The following WASHC3 variants were observed in gnomAD, a reference collection of about 807,000 sequenced individuals.
WASHC3 encodes WASH complex subunit CCDC53.
WASHC3 carries 24 observed loss-of-function variants against 26.1 expected under a neutral mutation model. That is an observed-to-expected ratio of 0.92 (90% CI 0.66 to 1.29). The LOEUF is 1.29. Ranked by LOEUF, WASHC3 falls within the 50% of genes most tolerant of loss-of-function variation. The probability of loss-of-function intolerance (pLI) is 0.00; values close to 1 mark genes in which losing one functional copy is unlikely to be tolerated. For synonymous variants in WASHC3, 77 were observed against 75.7 expected (o/e 1.02, Z -0.09); for missense variants, 214 against 229.6 (o/e 0.93, Z 0.44).
intron 6 of WASHC3, among the ~76,000 whole-genome samples, 154 bp from the exon 7 acceptor site, chr12:102,013,346 T>A (rs962055086): frequency 6.6e-6 from 1 of 152,314 alleles, no homozygotes; most frequent in South Asian, 2.1e-4. Flanking sequence ...CGTGCTTCTC[T>A]CGGGCTTCTT....
chr12:102,061,816 G>A (rs1035297085), intron 1 of WASHC3, 96 bp downstream of exon 1: 3 of 1,070,074 alleles, frequency 2.8e-6, no homozygotes, highest in African/African-American at 1.6e-5. Flanking sequence ...GGCCGTGACA[G>A]GGTGGGGACT....
In WASHC3 at chr12:102,046,129, A is replaced by G; in HGVS notation, c.151-10T>C. 6.5e-7 allele frequency: 1 copy of G among 1,531,140 alleles called. No homozygotes were observed. The highest frequency in any genetic ancestry group is 2.3e-5 in the East Asian group (1 of 43,880). 94.8% of individuals were successfully genotyped at this position (1,531,140 alleles called of 1,614,324 possible). A position where few individuals can be genotyped will look rare whatever the true frequency, so the allele number is the denominator to read the frequency against. On this transcript the variant is annotated splice_polypyrimidine_tract_variant and intron_variant, in intron 2 of 6. Coordinates refer to ENST00000240079, the MANE Select transcript of WASHC3 (RefSeq NM_016053.4). ...AAAGGTCTGCCAGTTTCTGTAAAAG[A>G]AAAATTAGAGACATAAAGACTTTAA...
chr12:102,040,579 T>C (rs1462945441), intron 4 of WASHC3: 1 of 152,074 alleles, frequency 6.6e-6, no homozygotes, highest in African/African-American at 2.4e-5. Flanking sequence ...AATGGTAACA[T>C]TGTCTACAGA....
intron 2 of WASHC3, among the ~76,000 whole-genome samples, chr12:102,049,420 C>T (rs891751445): frequency 2.6e-5 from 4 of 152,238 alleles, no homozygotes; most frequent in African/African-American, 9.6e-5. Context: ...TAACCATCGT[C>T]TTCATGAAGA....
chr12:102,016,920 A>C (rs1391925453), intron 6 of WASHC3, among the ~76,000 whole-genome samples: 1 of 152,204 alleles, frequency 6.6e-6, no homozygotes, highest in Non-Finnish European at 1.5e-5. Flanking sequence ...TATTGAAAAA[A>C]TTTTTAAAAA....
chr12:102,015,823 T>C (rs1317664162), intron 6 of WASHC3, among the ~76,000 whole-genome samples: 5 of 152,204 alleles, frequency 3.3e-5, no homozygotes, highest in African/African-American at 1.2e-4. Flanking sequence ...CATAGGACGG[T>C]GGTCCCATTA....
In WASHC3 at chr12:102,039,988, G is replaced by A; in HGVS notation, c.325-10C>T. 7.6e-7 allele frequency: 1 copy of A among 1,311,500 alleles called. No homozygotes were observed. The highest frequency in any genetic ancestry group is 1.1e-6 in the Non-Finnish European group (1 of 921,880). 81.2% of individuals were successfully genotyped at this position (1,311,500 alleles called of 1,614,324 possible). Reference sequence around the variant, plus strand: ...CTTGTGTACTGTTCTGCTGTAGAGAGTATTTGGTGTAAATCTTTAGACAAT... The same window carrying A: ...CTTGTGTACTGTTCTGCTGTAGAGAATATTTGGTGTAAATCTTTAGACAAT... On this transcript the variant is annotated splice_polypyrimidine_tract_variant and intron_variant, in intron 4 of 6. Transcript: ENST00000240079.
At chr12:102,056,025 G>A (rs147648033) in intron 2 of WASHC3, among the ~76,000 whole-genome samples, 439 of 152,280 alleles carry the variant, frequency 2.9e-3, no homozygotes, top group African/African-American at 0.01. Context: ...TTTAGGAGAC[G>A]TTAATTCTAT....
chr12:102,024,015 T>C (rs1877067018), intron 6 of WASHC3, among the ~76,000 whole-genome samples: 1 of 151,648 alleles, frequency 6.6e-6, no homozygotes, highest in Non-Finnish European at 1.5e-5. Context: ...TAAAGAATAA[T>C]AGGTTAGCCA....
intron 5 of WASHC3, among the ~76,000 whole-genome samples, chr12:102,037,781 G>GTT (rs74957168): frequency 1.3e-5 from 2 of 148,560 alleles, no homozygotes; most frequent in East Asian, 2.0e-4. Flanking sequence ...ATTTTATTCA[G>GTT]TTTTTTTTTT....
chr12:102,033,390 T>C (rs1243946606), intron 5 of WASHC3, among the ~76,000 whole-genome samples: 3 of 152,086 alleles, frequency 2.0e-5, no homozygotes, highest in Non-Finnish European at 4.4e-5. Flanking sequence ...TTCTAAACAA[T>C]AATTAAAATA....
intron 2 of WASHC3, among the ~76,000 whole-genome samples, chr12:102,060,001 G>A (rs1878738420): frequency 6.6e-6 from 1 of 152,200 alleles, no homozygotes; most frequent in South Asian, 2.1e-4. Flanking sequence ...GAAGGCAGAA[G>A]AAATGTTGAT....
intron 4 of WASHC3, among the ~76,000 whole-genome samples, chr12:102,041,133 A>G (rs775427739): frequency 9.9e-5 from 15 of 151,844 alleles, no homozygotes; most frequent in Non-Finnish European, 1.6e-4. Flanking sequence ...ACACACACAC[A>G]CACACATATT....
intron 5 of WASHC3, among the ~76,000 whole-genome samples, chr12:102,028,050 A>C (rs1296277183): frequency 6.6e-6 from 1 of 152,164 alleles, no homozygotes; most frequent in Non-Finnish European, 1.5e-5. Context: ...AAGAAGGTAG[A>C]AGATAAGTTT....
At chr12:102,057,785 C>T (rs1878649030) in intron 2 of WASHC3, among the ~76,000 whole-genome samples, 2 of 151,912 alleles carry the variant, frequency 1.3e-5, no homozygotes, top group African/African-American at 4.8e-5. Flanking sequence ...GGAAAGATAA[C>T]GTGTGTTCAT....
intron 5 of WASHC3, among the ~76,000 whole-genome samples, chr12:102,035,251 A>T (rs1877606793): frequency 6.6e-6 from 1 of 152,154 alleles, no homozygotes; most frequent in African/African-American, 2.4e-5. Context: ...TTCCTCAATA[A>T]AGGGAGCAAT....
At chr12:102,017,790 T>G (rs1482979724) in intron 6 of WASHC3, 1 of 438,614 alleles carries the variant, frequency 2.3e-6, no homozygotes, top group Non-Finnish European at 4.5e-6. Context: ...TTCATTTTTT[T>G]CTTTTTTTAA....
intron 2 of WASHC3, among the ~76,000 whole-genome samples, chr12:102,049,467 CAG>C (rs1313172897): frequency 6.6e-6 from 1 of 151,964 alleles, no homozygotes; most frequent in East Asian, 1.9e-4. Flanking sequence ...TTTGGGATAA[CAG>C]GGGAATTTAC....
At chr12:102,044,551 T>C (rs1878076543) in intron 3 of WASHC3, among the ~76,000 whole-genome samples, 1 of 152,182 alleles carries the variant, frequency 6.6e-6, no homozygotes, top group African/African-American at 2.4e-5. Flanking sequence ...TGTGTCTCAA[T>C]TATCTCACCT....
Sources: allele counts gnomAD v4.1 joint callset (sites outside exome capture counted in the v4.1 genomes callset), GRCh38; gene constraint gnomAD v4.1.1; transcripts MANE v1.5; gene names NCBI Gene and HGNC (gene_info 2026-07-23, HGNC 2026-07-21).